The following HS3ST2 variants were observed in gnomAD, a reference collection of about 807,000 sequenced individuals.
The protein encoded by HS3ST2 is heparan sulfate glucosamine 3-O-sulfotransferase 2.
Under a neutral mutation model 26.3 loss-of-function variants are expected in HS3ST2, and 17 were observed. That is an observed-to-expected ratio of 0.65 (90% CI 0.44 to 0.97). HS3ST2 has a LOEUF of 0.97. HS3ST2 is among the 50% of genes least tolerant of loss of function. The probability of loss-of-function intolerance (pLI) is 0.00; values close to 1 mark genes in which losing one functional copy is unlikely to be tolerated. For missense variants in HS3ST2, 402 were observed against 501.2 expected, an observed-to-expected ratio of 0.80 and a Z score of 1.89; for synonymous variants, 237 against 219.2, an observed-to-expected ratio of 1.08 and a Z score of -0.72.
intron 1 of HS3ST2, among the ~76,000 whole-genome samples, chr16:22,835,608 C>T (rs1330464870): frequency 6.6e-6 from 1 of 152,116 alleles, no homozygotes; most frequent in East Asian, 1.9e-4. Flanking sequence ...ATTATTTGGG[C>T]TCTCTCTCCA....
At chr16:22,846,020 G>A (rs1049460132) in intron 1 of HS3ST2, among the ~76,000 whole-genome samples, 1 of 152,210 alleles carries the variant, frequency 6.6e-6, no homozygotes, top group Non-Finnish European at 1.5e-5. Flanking sequence ...GCTTACGCCT[G>A]TAATCCCAAC....
intron 1 of HS3ST2, among the ~76,000 whole-genome samples, chr16:22,875,703 C>T (rs927898522): frequency 1.3e-5 from 2 of 152,142 alleles, no homozygotes; most frequent in Non-Finnish European, 1.5e-5. Flanking sequence ...ATTTATAAAA[C>T]CTGCAGTTGT....
intron 1 of HS3ST2, among the ~76,000 whole-genome samples, chr16:22,912,988 A>G (rs1445370237): frequency 6.6e-6 from 1 of 152,062 alleles, no homozygotes; most frequent in Non-Finnish European, 1.5e-5. Flanking sequence ...GGTGTTTCTC[A>G]ACTCTGCCTT....
At chr16:22,855,690 CTCTCTG>C (rs1382695973) in intron 1 of HS3ST2, among the ~76,000 whole-genome samples, 1 of 136,140 alleles carries the variant, frequency 7.3e-6, no homozygotes, top group African/African-American at 2.8e-5. Context: ...GTCTCTCTGT[CTCTCTG>C]TCTCTCTCTC....
intron 1 of HS3ST2, among the ~76,000 whole-genome samples, chr16:22,895,070 C>CTTTTT (rs55861016): frequency 7.4e-6 from 1 of 134,726 alleles, no homozygotes; most frequent in African/African-American, 2.7e-5. Context: ...TTCTTTCTTT[C>CTTTTT]TTTTTTTTTT....
intron 1 of HS3ST2, among the ~76,000 whole-genome samples, chr16:22,862,439 G>A (rs1008971637): frequency 4.6e-5 from 7 of 152,198 alleles, no homozygotes; most frequent in Admixed American, 3.3e-4. Flanking sequence ...AATCCCAGCT[G>A]TTCAATATAG....
At chr16:22,862,867 A>G (rs1901698468) in intron 1 of HS3ST2, among the ~76,000 whole-genome samples, 1 of 152,234 alleles carries the variant, frequency 6.6e-6, no homozygotes, top group Non-Finnish European at 1.5e-5. Flanking sequence ...TTCACTGCTT[A>G]TGTCTTCAAC....
At chr16:22,828,030 A>G (rs1417410131) in intron 1 of HS3ST2, among the ~76,000 whole-genome samples, 2 of 152,084 alleles carry the variant, frequency 1.3e-5, no homozygotes, top group East Asian at 1.9e-4. Flanking sequence ...AGGACTTGCT[A>G]TCTTTCAGGC....
At chr16:22,873,058 T>G (rs1213500999) in intron 1 of HS3ST2, among the ~76,000 whole-genome samples, 1 of 152,230 alleles carries the variant, frequency 6.6e-6, no homozygotes, top group East Asian at 1.9e-4. Context: ...TATTTACTAC[T>G]GTATTGGGCT....
At chr16:22,892,973 C>T (rs893346240) in intron 1 of HS3ST2, among the ~76,000 whole-genome samples, 2 of 152,120 alleles carry the variant, frequency 1.3e-5, no homozygotes, top group Non-Finnish European at 2.9e-5. Flanking sequence ...TGATGTCTGT[C>T]GAACATTATG....
intron 1 of HS3ST2, among the ~76,000 whole-genome samples, chr16:22,910,566 C>G (rs920372073): frequency 1.1e-4 from 17 of 152,160 alleles, no homozygotes; most frequent in Admixed American, 9.8e-4. Flanking sequence ...GTACTCAATA[C>G]TACTTTTTTT....
Position 22,915,497 on chromosome 16 carries a change from G to A in HS3ST2, c.1039G>A (p.Glu347Lys), listed in dbSNP as rs1367695485. The change falls in exon 2 of 2, where the codon GAA (glutamate) becomes AAA (lysine). Residue 347 changes from glutamate to lysine, a missense_variant. Glu to Lys is a moderately conservative substitution (Grantham distance 56). Around this residue, in one of 2 missense-constraint regions of HS3ST2, gnomAD observed 237 missense variants for 346.6 expected, o/e 0.68. Transcript: ENST00000261374. The part of the protein sequence containing the change: ...IDPEVIDQLR[E>K]FYRPYNIKFY... ...TCCTGAAGTGATAGACCAGCTCCGAGAATTTTATAGACCGTATAATATCAA... is the reference window on the plus strand; with the variant it reads ...TCCTGAAGTGATAGACCAGCTCCGAAAATTTTATAGACCGTATAATATCAA... 2.5e-6 allele frequency: 4 copies of A among 1,614,046 alleles called. No homozygotes were observed. The highest frequency in any genetic ancestry group is 1.1e-5 in the South Asian group (1 of 91,078).
intron 1 of HS3ST2, among the ~76,000 whole-genome samples, chr16:22,881,335 G>A (rs752484868): frequency 6.6e-6 from 1 of 152,170 alleles, no homozygotes; most frequent in Non-Finnish European, 1.5e-5. Flanking sequence ...GCTGCTGTGT[G>A]GAGCAGACAT....
intron 1 of HS3ST2, among the ~76,000 whole-genome samples, chr16:22,880,143 C>T (rs916181590): frequency 7.2e-5 from 11 of 152,086 alleles, no homozygotes; most frequent in African/African-American, 1.4e-4. Context: ...GTGTGGGGGC[C>T]GGGAGTAGCT....
intron 1 of HS3ST2, among the ~76,000 whole-genome samples, chr16:22,882,986 G>T (rs1365887016): frequency 1.3e-5 from 2 of 150,806 alleles, no homozygotes; most frequent in Non-Finnish European, 1.5e-5. Context: ...AGCTGACATT[G>T]TGCCACTGCA....
chr16:22,907,177 G>T (rs540166057), intron 1 of HS3ST2, among the ~76,000 whole-genome samples: 2 of 152,170 alleles, frequency 1.3e-5, no homozygotes, highest in East Asian at 1.9e-4. Flanking sequence ...CATATGAAAG[G>T]GCAGGTTCAT....
intron 1 of HS3ST2, among the ~76,000 whole-genome samples, chr16:22,838,809 C>A (rs1351313554): frequency 1.3e-5 from 2 of 152,166 alleles, no homozygotes; most frequent in Non-Finnish European, 2.9e-5. Flanking sequence ...TTGTGCCTTA[C>A]GACCTCTTGA....
At chr16:22,886,102 C>T (rs1049172179) in intron 1 of HS3ST2, among the ~76,000 whole-genome samples, 1 of 152,140 alleles carries the variant, frequency 6.6e-6, no homozygotes, top group Non-Finnish European at 1.5e-5. Context: ...ATTTTCTTTT[C>T]CCTCAAAACC....
At chr16:22,914,764 A>AAAAAAAAGG (rs1902470284) in intron 1 of HS3ST2, among the ~76,000 whole-genome samples, 180 bp from the exon 2 acceptor site, 1 of 124,738 alleles carries the variant, frequency 8.0e-6, no homozygotes, top group African/African-American at 3.1e-5. Context: ...AAAAAAAAAA[A>AAAAAAAAGG]GAGAAGAAAA....
Sources: allele counts gnomAD v4.1 joint callset (sites outside exome capture counted in the v4.1 genomes callset), GRCh38; gene constraint gnomAD v4.1.1; regional missense constraint gnomAD v4.1.1; transcripts MANE v1.5; gene names NCBI Gene and HGNC (gene_info 2026-07-23, HGNC 2026-07-21).